Variants in COLQ observed in about 807,000 individuals in gnomAD.
COLQ encodes collagen like tail subunit of asymmetric acetylcholinesterase, also known as acetylcholinesterase collagenic tail peptide.
In COLQ, 48 loss-of-function variants were observed where a neutral mutation model predicts 69.0. The observed-to-expected ratio is 0.70, with a 90% CI of 0.55 to 0.88. The LOEUF is 0.88. Among genes scored for constraint, COLQ ranks in the 40% least tolerant of loss-of-function variants. The probability of loss-of-function intolerance (pLI) is 0.00; values close to 1 mark genes in which losing one functional copy is unlikely to be tolerated. For synonymous variants in COLQ, 217 were observed against 211.2 expected (o/e 1.03, Z -0.24); for missense variants, 618 against 594.6 (o/e 1.04, Z -0.41).
At position 15,486,788 on chromosome 3, in the gene COLQ, A is replaced by G. The variant is rs961169911; in HGVS notation, c.321+1418T>C. ...ACCAACCCCGTGCACTGTTGTAGAC[A>G]GGGAATATAATAGTGAGTGAGATGG... On this transcript the variant is annotated intron_variant, in intron 3 of 16. Coordinates refer to ENST00000383788, the MANE Select transcript of COLQ (RefSeq NM_005677.4). 3.3e-5 allele frequency among the ~76,000 whole-genome samples: 5 copies of G among 152,204 alleles called. No homozygotes were observed. In the South Asian group the frequency reaches 1.0e-3, roughly 31 times the overall value.
rs893757587 is a variant in COLQ, at chr3:15,473,433, C to T, written c.636+567G>A. 6.6e-6 allele frequency among the ~76,000 whole-genome samples: 1 copy of T among 152,218 alleles called. No homozygotes were observed. Among genetic ancestry groups the T allele is most frequent in the Non-Finnish European group, 1.5e-5 (1 of 68,032 alleles). On this transcript the variant is annotated intron_variant, in intron 10 of 16. Coordinates refer to ENST00000383788, the MANE Select transcript of COLQ (RefSeq NM_005677.4). This position sits in a 1 kb window ranked among gnomAD's most constrained non-coding sequence, Gnocchi z 4.0. ...TCGGCCTCCCAAAGTGCTGGGATTA[C>T]AGGCATGAGGCACCATGCCTGGCCA... is the stretch of plus-strand genomic sequence containing the variant.
chr3:15,462,918 T>C (rs1303774139), intron 12 of COLQ, among the ~76,000 whole-genome samples: 1 of 152,012 alleles, frequency 6.6e-6, no homozygotes, highest in Non-Finnish European at 1.5e-5. Flanking sequence ...CAAGGTGTCC[T>C]CTGAAGGGTA....
rs1559517817 is a variant in COLQ at position 15,470,591 on chromosome 3, G to A, written c.662C>T (p.Pro221Leu). 6.2e-7 allele frequency: 1 copy of A among 1,614,124 alleles called. No homozygotes were observed. The highest frequency in any genetic ancestry group is 2.2e-5 in the East Asian group (1 of 44,886). ...QKGEMGPKGE[P>L]GIAGHRGPTG... is the part of the protein sequence containing the mutation. ...GGGTCCTCGGTGTCCTGCTATCCCA[G>A]GTTCACCTTTTGGACCCATTTCACC... is the stretch of plus-strand genomic sequence containing the variant. Residue 221 changes from proline (P) to leucine (L), a missense_variant, in exon 11 of 17, where the codon CCT (proline) becomes CTT (leucine). Transcript: ENST00000383788.
chr3:15,499,181 T>C (rs1299741712), intron 1 of COLQ, among the ~76,000 whole-genome samples: 2 of 152,104 alleles, frequency 1.3e-5, no homozygotes, highest in Non-Finnish European at 2.9e-5. Flanking sequence ...AAACAAAATA[T>C]ATAGATTTCC....
chr3:15,468,072 T>C (rs149646193), intron 11 of COLQ, among the ~76,000 whole-genome samples: 1 of 152,300 alleles, frequency 6.6e-6, no homozygotes, highest in Non-Finnish European at 1.5e-5. Context: ...TTCAGTCTTG[T>C]TTTTCTAACG....
At position 15,460,910 on chromosome 3, in the gene COLQ, G is replaced by A. The variant is rs540802200; in HGVS notation, c.815-2585C>T. On this transcript the variant is annotated intron_variant, in intron 12 of 16. Coordinates refer to ENST00000383788, the MANE Select transcript of COLQ (RefSeq NM_005677.4). Reference sequence around the variant, plus strand: ...TTGGAACAGCCTTCCAGAAGGCTCTGTGACCCCAACAACTCCTCCAGAACC... The same window carrying A: ...TTGGAACAGCCTTCCAGAAGGCTCTATGACCCCAACAACTCCTCCAGAACC... 4.7e-4 allele frequency among the ~76,000 whole-genome samples: 72 copies of A among 152,246 alleles called. 1 individual carries two copies. Among genetic ancestry groups the A allele is most frequent in the Admixed American group, 2.5e-3 (38 of 15,278 alleles).
chr3:15,452,522 C>T lies in COLQ; in HGVS notation c.1299-809G>A, dbSNP rs114669971. ...TAAACCTTACAGGCACAGTCACAGG[C>T]GTCCCTCTGAGGCTTCTGGGGAATA... On this transcript the variant is annotated intron_variant, in intron 16 of 16. Coordinates refer to ENST00000383788, the MANE Select transcript of COLQ (RefSeq NM_005677.4). Among the ~76,000 whole-genome samples the T allele has an allele frequency of 4.1e-3, 620 of 152,288 alleles. 4 individuals carry two copies. Among genetic ancestry groups the T allele is most frequent in the African/African-American group, 0.013 (543 of 41,548 alleles).
At chr3:15,521,030 C>T (rs2063129361) in intron 1 of COLQ, among the ~76,000 whole-genome samples, 1 of 152,206 alleles carries the variant, frequency 6.6e-6, no homozygotes, top group Non-Finnish European at 1.5e-5. Context: ...CCCACCGGCC[C>T]CTGCCACCTG....
intron 3 of COLQ, among the ~76,000 whole-genome samples, chr3:15,487,818 T>C (rs965416987): frequency 6.6e-6 from 1 of 152,126 alleles, no homozygotes; most frequent in African/African-American, 2.4e-5. Context: ...ACCTCCACTT[T>C]CCTGTGCTGA....
At chr3:15,465,045 G>A (rs1053486179) in intron 12 of COLQ, among the ~76,000 whole-genome samples, 20 of 151,812 alleles carry the variant, frequency 1.3e-4, no homozygotes, top group African/African-American at 4.8e-4. Flanking sequence ...GTGGTGGAAG[G>A]CACCTGTAAT....
At chr3:15,510,090 G>A (rs565226915) in intron 1 of COLQ, among the ~76,000 whole-genome samples, 3 of 152,244 alleles carry the variant, frequency 2.0e-5, no homozygotes, top group South Asian at 2.1e-4. Flanking sequence ...GCAGGAGAAT[G>A]GCGTGAGCCC....
At position 15,504,849 on chromosome 3, in the gene COLQ, G is replaced by A. The variant is rs1053016259; in HGVS notation, c.107-15212C>T. On this transcript the variant is annotated intron_variant, in intron 1 of 16. Transcript: ENST00000383788. ...CACTCCAGCCTGGGCAATAGAGCGA[G>A]ACTCCGTCTCAAAAAACAAAACCAA... Among the ~76,000 whole-genome samples, 3 of 152,314 alleles carry A rather than the reference G, an allele frequency of 2.0e-5. No homozygotes were observed. In the East Asian group the frequency reaches 5.8e-4, roughly 29 times the overall value.
chr3:15,499,398 G>A (rs1466359511), intron 1 of COLQ, among the ~76,000 whole-genome samples: 1 of 152,158 alleles, frequency 6.6e-6, no homozygotes, highest in Non-Finnish European at 1.5e-5. Context: ...GCTATAGCAG[G>A]AGTCAGCAAA....
intron 1 of COLQ, among the ~76,000 whole-genome samples, chr3:15,514,685 CAGA>C (rs1206665228): frequency 3.3e-5 from 5 of 152,088 alleles, no homozygotes; most frequent in African/African-American, 9.7e-5. Context: ...TAGGCAGATG[CAGA>C]AGAAGGGGAA....
intron 13 of COLQ, among the ~76,000 whole-genome samples, chr3:15,457,567 G>C (rs1559512426): frequency 6.6e-6 from 1 of 152,068 alleles, no homozygotes; most frequent in African/African-American, 2.4e-5. Flanking sequence ...AGTTTAAAAT[G>C]TTATTTATAG....
intron 7 of COLQ, 133 bp from the exon 8 acceptor site, chr3:15,475,084 C>T: frequency 1.1e-6 from 1 of 947,154 alleles, no homozygotes; most frequent in Non-Finnish European, 1.7e-6. Flanking sequence ...AGTGGGGTTG[C>T]AGCACCAAAC....
intron 1 of COLQ, among the ~76,000 whole-genome samples, chr3:15,494,403 G>A (rs61683551): frequency 0.13 from 20,044 of 152,194 alleles, 1,428 homozygotes; most frequent in East Asian, 0.18. Context: ...TGGTTTTGAA[G>A]TTGCAGGGTA....
chr3:15,482,460 G>A (rs913432770), intron 3 of COLQ, among the ~76,000 whole-genome samples: 6 of 152,164 alleles, frequency 3.9e-5, no homozygotes, highest in African/African-American at 1.4e-4. Flanking sequence ...TGAATCTATT[G>A]AGATAATTAT....
intron 12 of COLQ, among the ~76,000 whole-genome samples, chr3:15,465,056 C>G (rs945021221): frequency 1.3e-5 from 2 of 151,678 alleles, no homozygotes; most frequent in African/African-American, 4.8e-5. Flanking sequence ...CACCTGTAAT[C>G]CCATCTACTC....
Sources: gnomAD v4.1 joint callset for allele counts (sites outside exome capture counted in the v4.1 genomes callset) on GRCh38, gnomAD v4.1.1 for gene constraint, Gnocchi (gnomAD v3.1) non-coding constraint, MANE v1.5 for transcripts, NCBI Gene and HGNC (gene_info 2026-07-23, HGNC 2026-07-21) for gene names.